LMOD1: variants seen among roughly 807,000 people sequenced by gnomAD.
LMOD1 encodes leiomodin-1.
LMOD1 carries 8 observed loss-of-function variants against 36.5 expected under a neutral mutation model. The observed-to-expected ratio is 0.22, with a 90% confidence interval of 0.13 to 0.40. LMOD1 has a LOEUF of 0.40. Among genes scored for constraint, LMOD1 ranks in the 10% least tolerant of loss-of-function variants. LMOD1 has a pLI of 1.00. For missense variants in LMOD1, 630 were observed against 751.1 expected, an observed-to-expected ratio of 0.84 and a Z score of 1.88; for synonymous variants, 284 against 288.7, an observed-to-expected ratio of 0.98 and a Z score of 0.17.
At chr1:201,910,335 G>A (rs1009148483) in intron 1 of LMOD1, among the ~76,000 whole-genome samples, 66 of 150,646 alleles carry the variant, frequency 4.4e-4, no homozygotes, top group Non-Finnish European at 7.8e-4. Context: ...GTACAGTGGC[G>A]CAATCATGGC....
At chr1:201,904,040 G>A (rs1041901722) in intron 1 of LMOD1, among the ~76,000 whole-genome samples, 5 of 152,028 alleles carry the variant, frequency 3.3e-5, no homozygotes, top group South Asian at 2.1e-4. Context: ...AGCTCCTCTC[G>A]GCCCACCCAG....
In LMOD1 at chr1:201,926,256, A is replaced by G. The variant is rs149451978; in HGVS notation, c.261+19824T>C. 7.5e-3 allele frequency among the ~76,000 whole-genome samples: 1,137 copies of G among 152,256 alleles called. 12 individuals are homozygous for G. Among genetic ancestry groups the G allele is most frequent in the African/African-American group, 0.026 (1,067 of 41,534 alleles). On this transcript the variant is annotated intron_variant, in intron 1 of 2. Coordinates refer to ENST00000367288, the MANE Select transcript of LMOD1 (RefSeq NM_012134.3). ...GGAGTGTCTGTGCTGTGAGCTGACC[A>G]TAAGTCTCTGCGTTTCCAGTGCCCA...
At chr1:201,940,826 G>A (rs188076534) in intron 1 of LMOD1, among the ~76,000 whole-genome samples, 185 of 148,600 alleles carry the variant, frequency 1.2e-3, no homozygotes, top group African/African-American at 4.2e-3. Flanking sequence ...TCGGCGCACC[G>A]TAACCTCCGC....
At chr1:201,935,330 T>TC (rs1328488614) in intron 1 of LMOD1, among the ~76,000 whole-genome samples, 2 of 151,774 alleles carry the variant, frequency 1.3e-5, no homozygotes, top group Non-Finnish European at 2.9e-5. Context: ...TTTTTTTTTT[T>TC]TTTTTGAGAC....
rs192246244 is a variant in LMOD1 at position 201,920,152 on chromosome 1, G to A, written c.262-19401C>T. On this transcript the variant is annotated intron_variant, in intron 1 of 2. Transcript: ENST00000367288. Reference sequence around the variant, plus strand: ...TTGGCTCACTGCAACCTCAACCTCCGGGGTTCAAGTGATTCTCCTGCCTCA... The same window carrying A: ...TTGGCTCACTGCAACCTCAACCTCCAGGGTTCAAGTGATTCTCCTGCCTCA... Among the ~76,000 whole-genome samples the A allele has an allele frequency of 6.2e-5, 9 of 146,124 alleles. No individual in the cohort carries two copies. The East Asian group carries it at 1.5e-3, about 24-fold the overall frequency.
chr1:201,925,980 T>C (rs912817751), intron 1 of LMOD1, among the ~76,000 whole-genome samples: 1 of 152,092 alleles, frequency 6.6e-6, no homozygotes, highest in East Asian at 1.9e-4. Context: ...TCCCAAAGTG[T>C]TGGAATTACA....
chr1:201,937,388 A>G (rs1055910700), intron 1 of LMOD1, among the ~76,000 whole-genome samples: 2 of 152,132 alleles, frequency 1.3e-5, no homozygotes, highest in African/African-American at 4.8e-5. Context: ...TTGAAGCTGC[A>G]ATGAACTGAG....
chr1:201,916,062 C>T (rs1282263015), intron 1 of LMOD1, among the ~76,000 whole-genome samples: 3 of 151,988 alleles, frequency 2.0e-5, no homozygotes, highest in Admixed American at 6.6e-5. Flanking sequence ...CTACTACAGG[C>T]ATGCACCACC....
At chr1:201,920,891 A>T (rs895374017) in intron 1 of LMOD1, among the ~76,000 whole-genome samples, 35 of 152,258 alleles carry the variant, frequency 2.3e-4, no homozygotes, top group African/African-American at 7.0e-4. Flanking sequence ...AATAAATAAA[A>T]AAGTAAGAAA....
intron 1 of LMOD1, among the ~76,000 whole-genome samples, chr1:201,916,698 T>A (rs1241413473): frequency 6.6e-6 from 1 of 152,046 alleles, no homozygotes; most frequent in African/African-American, 2.4e-5. Flanking sequence ...GGGAGGGGAT[T>A]CCCCGTCACT....
At chr1:201,943,338 G>A (rs1682151694) in intron 1 of LMOD1, among the ~76,000 whole-genome samples, 1 of 152,230 alleles carries the variant, frequency 6.6e-6, no homozygotes, top group African/African-American at 2.4e-5. Context: ...GAATCGTAAG[G>A]CTTAAAGAAA....
intron 1 of LMOD1, among the ~76,000 whole-genome samples, chr1:201,909,280 G>T (rs1295294983): frequency 6.6e-6 from 1 of 152,202 alleles, no homozygotes; most frequent in Non-Finnish European, 1.5e-5. Context: ...CAGCCCCCTG[G>T]CAAAATGTCT....
At chr1:201,923,056 C>T (rs1681732783) in intron 1 of LMOD1, among the ~76,000 whole-genome samples, 2 of 152,230 alleles carry the variant, frequency 1.3e-5, no homozygotes, top group Admixed American at 1.3e-4. Context: ...AACTCTTGAC[C>T]TCAGGTGATC....
rs1462833526 is a variant in LMOD1 at position 201,900,683 on chromosome 1, T to A, written c.330A>T (p.Lys110Asn). The A allele has an allele frequency of 6.2e-7, 1 of 1,613,800 alleles. No homozygotes were observed. The highest frequency in any genetic ancestry group is 8.5e-7 in the Non-Finnish European group (1 of 1,179,898). ...AGTCCCGTCTGGGGCCCAGGGCTTT[T>A]TTGCTGGCATCTCTGCCCCTTTCCT... Reference protein sequence around the residue: ...NGEERGRDASKKALGPRRDSD... With the variant: ...NGEERGRDASNKALGPRRDSD... The change falls in exon 2 of 3, where the codon AAA (lysine) becomes AAT (asparagine). Residue 110 changes from lysine to asparagine, a missense_variant. Transcript: ENST00000367288.
chr1:201,899,175 C>G lies in LMOD1; in HGVS notation c.1776+62G>C. 1 of 1,447,704 alleles carries G rather than the reference C, an allele frequency of 6.9e-7. No homozygotes were observed. Among genetic ancestry groups the G allele is most frequent in the Non-Finnish European group, 9.3e-7 (1 of 1,078,894 alleles). 89.7% of individuals were successfully genotyped at this position (1,447,704 alleles called of 1,614,324 possible). ...TCTGCATGCCTTCCCTTTTGCAGTC[C>G]TACCCTCTCCTCCAGGCCCTACCCA... On this transcript the variant is annotated intron_variant, in intron 2 of 2. Coordinates refer to ENST00000367288, the MANE Select transcript of LMOD1 (RefSeq NM_012134.3). This position sits in a 1 kb window ranked among gnomAD's most constrained non-coding sequence, Gnocchi z 6.3.
intron 1 of LMOD1, among the ~76,000 whole-genome samples, chr1:201,904,790 C>T (rs1349524799): frequency 1.3e-5 from 2 of 152,188 alleles, no homozygotes; most frequent in East Asian, 3.8e-4. Flanking sequence ...GCTTGTGTAG[C>T]CCTGAGCACT....
rs779809708 is a variant in LMOD1 at position 201,900,690 on chromosome 1, G to A, written c.323C>T (p.Ala108Val). The change falls in exon 2 of 3, where the codon GCC becomes GTC. Residue 108 changes from alanine to valine, a missense_variant. Ala to Val is a moderately conservative substitution (Grantham distance 64). Coordinates refer to ENST00000367288, the MANE Select transcript of LMOD1 (RefSeq NM_012134.3). ...AKNGEERGRD[A>V]SKKALGPRRD... is the part of the protein sequence containing the mutation. ...TCTGGGGCCCAGGGCTTTTTTGCTG[G>A]CATCTCTGCCCCTTTCCTCTCCATT... The A allele has an allele frequency of 6.2e-7, 1 of 1,613,710 alleles. No homozygotes were observed. The highest frequency in any genetic ancestry group is 1.1e-5 in the South Asian group (1 of 91,036).
chr1:201,904,662 G>A (rs1293189773), intron 1 of LMOD1, among the ~76,000 whole-genome samples: 1 of 152,222 alleles, frequency 6.6e-6, no homozygotes, highest in African/African-American at 2.4e-5. Context: ...TTGAGGAGGT[G>A]TGCCAACACT....
chr1:201,931,736 G>C (rs1284667635), intron 1 of LMOD1, among the ~76,000 whole-genome samples: 1 of 151,772 alleles, frequency 6.6e-6, no homozygotes, highest in Admixed American at 6.6e-5. Context: ...TGGGACAAGA[G>C]AGTTTGTAAA....
Sources: gnomAD v4.1 joint callset for allele counts (sites outside exome capture counted in the v4.1 genomes callset) on GRCh38, gnomAD v4.1.1 for gene constraint, Gnocchi (gnomAD v3.1) non-coding constraint, MANE v1.5 for transcripts, NCBI Gene and HGNC (gene_info 2026-07-23, HGNC 2026-07-21) for gene names.